Variants in NUP54 observed in about 807,000 individuals in gnomAD.
NUP54 encodes nucleoporin p54.
NUP54 carries 27 observed loss-of-function variants against 66.4 expected under a neutral mutation model. That is an observed-to-expected ratio of 0.41 (90% confidence interval 0.30 to 0.56). The LOEUF (loss-of-function observed/expected upper bound fraction) is 0.56. Ranked by LOEUF, NUP54 falls within the 20% of genes least tolerant of loss-of-function variation. The pLI is 0.34. For synonymous variants in NUP54, 206 were observed against 210.7 expected, an observed-to-expected ratio of 0.98 and a Z score of 0.19; for missense variants, 486 against 596.3, an observed-to-expected ratio of 0.82 and a Z score of 1.93.
At chr4:76,117,951 A>G in intron 10 of NUP54, 124 bp downstream of exon 10, 1 of 1,098,554 alleles carries the variant, frequency 9.1e-7, no homozygotes, top group Non-Finnish European at 1.3e-6. Context: ...TTACTTTAGA[A>G]AGGAAGTTCT....
chr4:76,132,858 T>C (rs1578683307), intron 5 of NUP54, 139 bp from the exon 6 acceptor site: 2 of 665,232 alleles, frequency 3.0e-6, no homozygotes, highest in Non-Finnish European at 4.9e-6. Context: ...TTAAAATGTT[T>C]CCTTTTTTTT....
chr4:76,117,122 ACT>A (rs1729983788), intron 11 of NUP54, among the ~76,000 whole-genome samples: 1 of 151,766 alleles, frequency 6.6e-6, no homozygotes, highest in Admixed American at 6.6e-5. Context: ...CCACCTTTCT[ACT>A]CTCTATTAAT....
chr4:76,141,395 TATATACAACTACCCAAGG>T (rs1731263289), intron 3 of NUP54, among the ~76,000 whole-genome samples: 1 of 152,184 alleles, frequency 6.6e-6, no homozygotes, highest in African/African-American at 2.4e-5. Context: ...CTTTCATAAA[TATATACAACTACCCAAGG>T]GACACCTCAA....
chr4:76,147,514 G>A, intron 1 of NUP54: 1 of 1,289,646 alleles, frequency 7.8e-7, no homozygotes, highest in Non-Finnish European at 1.0e-6. Flanking sequence ...ATTGAACGGA[G>A]TCGCCGAGGT....
Position 76,117,913 on chromosome 4 carries a change from ATAC to A in NUP54, c.1285-142_1285-140del, listed in dbSNP as rs1014766756. On this transcript the variant is annotated intron_variant, in intron 10 of 11. Coordinates refer to ENST00000264883, the MANE Select transcript of NUP54 (RefSeq NM_017426.4). Reference sequence around the variant, plus strand: ...TCTGTACATTATATTCGAAACACTAATACTAGCCAAAAGAACCATGACTGAGTT... The same window carrying A: ...TCTGTACATTATATTCGAAACACTAATAGCCAAAAGAACCATGACTGAGTT... The A allele has an allele frequency of 8.0e-5, 78 of 980,114 alleles. No individual in the cohort carries two copies. The African/African-American group carries it at 1.1e-3, about 13-fold the overall frequency. The allele number at this position is 980,114 out of a possible 1,614,324, so 60.7% of individuals were successfully genotyped here.
intron 4 of NUP54, among the ~76,000 whole-genome samples, 169 bp from the exon 5 acceptor site, chr4:76,134,531 A>G (rs1730949151): frequency 6.6e-6 from 1 of 152,160 alleles, no homozygotes; most frequent in African/African-American, 2.4e-5. Context: ...TCACAAAATT[A>G]TAAAGAAAAA....
At position 76,134,105 on chromosome 4, in the gene NUP54, CATT is replaced by C. The variant is rs1471609435; in HGVS notation, c.710+67_710+69del. On this transcript the variant is annotated intron_variant, in intron 5 of 11. Coordinates refer to ENST00000264883, the MANE Select transcript of NUP54 (RefSeq NM_017426.4). ...TTAATTTGTGCTTTAGCAACAAAAACATTATTGATCACTCCCTTAGGACCAGAA... is the reference window on the plus strand; with the variant it reads ...TTAATTTGTGCTTTAGCAACAAAAACATTGATCACTCCCTTAGGACCAGAA... 4 of 1,115,296 alleles carry C rather than the reference CATT, an allele frequency of 3.6e-6. No individual in the cohort carries two copies. In the African/African-American group the frequency reaches 4.8e-5, roughly 13 times the overall value. 69.1% of individuals were successfully genotyped at this position (1,115,296 alleles called of 1,614,324 possible). A position where few individuals can be genotyped will look rare whatever the true frequency, so the allele number is the denominator to read the frequency against.
chr4:76,128,491 T>G (rs1730641725), intron 8 of NUP54, among the ~76,000 whole-genome samples: 1 of 151,092 alleles, frequency 6.6e-6, no homozygotes, highest in East Asian at 1.9e-4. Flanking sequence ...AAATAAATGG[T>G]AGGACTAAAT....
chr4:76,117,696 T>C lies in NUP54; in HGVS notation c.1363A>G (p.Ile455Val), dbSNP rs370887575. The C allele has an allele frequency of 6.2e-7, 1 of 1,613,082 alleles. No homozygotes were observed. The highest frequency in any genetic ancestry group is 8.5e-7 in the Non-Finnish European group (1 of 1,179,070). Residue 455 changes from isoleucine to valine, a missense_variant, in exon 11 of 12, where the codon ATA (isoleucine) becomes GTA (valine). By Grantham distance (29) the Ile-to-Val change is conservative. Coordinates refer to ENST00000264883, the MANE Select transcript of NUP54 (RefSeq NM_017426.4). ...ATTTCTCGTAACAGATCTGCATCTATGTAATACCTTTCTTCAGATCTGACT... is the reference window on the plus strand; with the variant it reads ...ATTTCTCGTAACAGATCTGCATCTACGTAATACCTTTCTTCAGATCTGACT... ...GAVRSEERYY[I>V]DADLLREIKQ...
intron 1 of NUP54, chr4:76,146,196 A>G (rs1444256457): frequency 4.2e-5 from 16 of 377,074 alleles, no homozygotes; most frequent in Non-Finnish European, 7.8e-5. Context: ...GTTAACACAT[A>G]TAAAAGTAGT....
Position 76,132,612 on chromosome 4 carries a change from T to TG in NUP54, c.817dup (p.Gln273ProfsTer13). ...AAGGGTTACACCAAGTTGCTGCAAT[T>TG]GTGTTTTTATATTGGCTTGTTCAAA... On this transcript the variant is annotated frameshift_variant, in exon 6 of 12. Transcript: ENST00000264883. LOFTEE classifies it high-confidence loss of function. 6.2e-7 allele frequency: 1 copy of TG among 1,614,124 alleles called. No homozygotes were observed. Among genetic ancestry groups the TG allele is most frequent in the Non-Finnish European group, 8.5e-7 (1 of 1,180,004 alleles).
chr4:76,119,082 A>G (rs572638595), intron 9 of NUP54, among the ~76,000 whole-genome samples: 5 of 152,320 alleles, frequency 3.3e-5, no homozygotes, highest in Non-Finnish European at 4.4e-5. Flanking sequence ...CCAGTTTCAG[A>G]CATTTACTCA....
At chr4:76,118,955 T>A (rs1004177112) in intron 9 of NUP54, among the ~76,000 whole-genome samples, 5 of 151,758 alleles carry the variant, frequency 3.3e-5, no homozygotes, top group Admixed American at 6.6e-5. Context: ...GCAGTGAGCC[T>A]AGATCGCGCC....
chr4:76,131,309 T>C (rs1730793054), intron 6 of NUP54, 25 bp from the exon 7 acceptor site: 2 of 1,463,308 alleles, frequency 1.4e-6, no homozygotes, highest in Admixed American at 1.8e-5. Flanking sequence ...AAATATTTTT[T>C]CTAAAACAAT....
At chr4:76,119,087 TACTC>T (rs1730109365) in intron 9 of NUP54, among the ~76,000 whole-genome samples, 1 of 152,234 alleles carries the variant, frequency 6.6e-6, no homozygotes, top group African/African-American at 2.4e-5. Context: ...TTCAGACATT[TACTC>T]ACAGCCTTTC....
In NUP54 at chr4:76,132,553, T is replaced by C. The variant is rs767489887; in HGVS notation, c.877A>G (p.Ile293Val). The change falls in exon 6 of 12, where the codon ATC (isoleucine) becomes GTC (valine). Residue 293 changes from isoleucine to valine, a missense_variant. By Grantham distance (29) the Ile-to-Val change is conservative. Around this residue, in one of 4 missense-constraint regions of NUP54, gnomAD observed 217 missense variants for 247.9 expected, o/e 0.88. Coordinates refer to ENST00000264883, the MANE Select transcript of NUP54 (RefSeq NM_017426.4). Reference sequence around the variant, plus strand: ...GGAGGATTCTGTAAAAGCTGTTTGATCTGTGCAGGAGAAAGTTCTGTTCTA... The same window carrying C: ...GGAGGATTCTGTAAAAGCTGTTTGACCTGTGCAGGAGAAAGTTCTGTTCTA... ...MTRTELSPAQIKQLLQNPPAG... is the reference protein window; with the variant it reads ...MTRTELSPAQVKQLLQNPPAG... 3 of 1,604,328 alleles carry C rather than the reference T, an allele frequency of 1.9e-6. No individual in the cohort carries two copies. The highest frequency in any genetic ancestry group is 2.6e-6 in the Non-Finnish European group (3 of 1,175,596).
intron 9 of NUP54, 158 bp from the exon 10 acceptor site, chr4:76,118,352 T>G: frequency 4.6e-6 from 3 of 647,022 alleles, no homozygotes; most frequent in African/African-American, 1.8e-5. Context: ...CCATTTTAAC[T>G]AGGCAAAAGT....
chr4:76,144,506 A>C, intron 1 of NUP54, 33 bp from the exon 2 acceptor site: 1 of 1,518,628 alleles, frequency 6.6e-7, no homozygotes. Context: ...AGAAAGGAAG[A>C]ATCTTTTGTA....
At position 76,123,957 on chromosome 4, in the gene NUP54, T is replaced by C. The variant is rs1730350032; in HGVS notation, c.1164+692A>G. Among the ~76,000 whole-genome samples, 3 of 152,216 alleles carry C rather than the reference T, an allele frequency of 2.0e-5. No homozygotes were observed. The South Asian group carries it at 6.2e-4, about 32-fold the overall frequency. The stretch of plus-strand genomic sequence containing the variant: ...TTTAACGGTCTTTTCAAAGAAACAG[T>C]TTTTTAATTTATTCTTTCCACTATT... On this transcript the variant is annotated intron_variant, in intron 9 of 11. Coordinates refer to ENST00000264883, the MANE Select transcript of NUP54 (RefSeq NM_017426.4).
Sources: gnomAD v4.1 joint callset for allele counts (sites outside exome capture counted in the v4.1 genomes callset) on GRCh38, gnomAD v4.1.1 for gene constraint, gnomAD v4.1.1 regional missense constraint, MANE v1.5 for transcripts, NCBI Gene and HGNC (gene_info 2026-07-23, HGNC 2026-07-21) for gene names.